The following TACC2 variants were observed in gnomAD, a reference collection of about 807,000 sequenced individuals.
TACC2 encodes the protein transforming acidic coiled-coil-containing protein 2.
In TACC2, 137 loss-of-function variants were observed where a neutral mutation model predicts 227.3. The observed-to-expected ratio is 0.60, with a 90% CI of 0.52 to 0.69. The LOEUF is 0.69. TACC2 is among the 30% of genes least tolerant of loss of function. The pLI, the probability that TACC2 is intolerant of heterozygous loss-of-function variation, is 0.00. For synonymous variants in TACC2, 1,523 were observed against 1,487.5 expected (o/e 1.02, Z -0.55); for missense variants, 3,470 against 3,694.4 (o/e 0.94, Z 1.57).
At chr10:122,025,914 T>C (rs556089854) in intron 2 of TACC2, among the ~76,000 whole-genome samples, 1 of 152,080 alleles carries the variant, frequency 6.6e-6, no homozygotes, top group South Asian at 2.1e-4. Context: ...TCAGAGTTCT[T>C]TATATAGTCT....
intron 5 of TACC2, among the ~76,000 whole-genome samples, chr10:122,123,470 AC>A (rs1425361641): frequency 1.3e-5 from 2 of 152,140 alleles, no homozygotes; most frequent in African/African-American, 4.8e-5. Flanking sequence ...TGGGGAACCC[AC>A]CTTTCAAAGC....
intron 2 of TACC2, among the ~76,000 whole-genome samples, chr10:122,043,993 C>T (rs1244262043): frequency 2.0e-5 from 3 of 152,230 alleles, no homozygotes; most frequent in Non-Finnish European, 4.4e-5. Flanking sequence ...TACACCATGC[C>T]TGTTTTAGTC....
In TACC2 at chr10:122,087,764, C is replaced by T; in HGVS notation, c.5264C>T (p.Ala1755Val). ...SCQDPACSDKAPGMEGTAALH... is the reference protein window; with the variant it reads ...SCQDPACSDKVPGMEGTAALH... The stretch of plus-strand genomic sequence containing the variant: ...CAGGACCCAGCCTGCTCTGACAAGG[C>T]TCCGGGGATGGAGGGTACAGCTGCC... The change falls in exon 4 of 23, where the codon GCT becomes GTT. Residue 1755 changes from alanine (A) to valine (V), a missense_variant. Coordinates refer to ENST00000369005, the MANE Select transcript of TACC2 (RefSeq NM_206862.4). 6.2e-7 allele frequency: 1 copy of T among 1,608,908 alleles called. No homozygotes were observed. The highest frequency in any genetic ancestry group is 8.5e-7 in the Non-Finnish European group (1 of 1,177,716).
rs2093947133 is a variant in TACC2, at chr10:122,180,733, A to T, written c.5835-14307A>T. On this transcript the variant is annotated intron_variant, in intron 7 of 22. Coordinates refer to ENST00000369005, the MANE Select transcript of TACC2 (RefSeq NM_206862.4). The surrounding 1 kb of genome is among the most constrained non-coding windows in gnomAD (Gnocchi z 4.5). ...CCAGGGAGTGCAAGAGGAATAACTT[A>T]TTTTATTTTTTATTTTTTTTGAGAC... 1.3e-5 allele frequency among the ~76,000 whole-genome samples: 2 copies of T among 151,716 alleles called. No individual in the cohort carries two copies. Among genetic ancestry groups the T allele is most frequent in the African/African-American group, 4.8e-5 (2 of 41,310 alleles).
chr10:122,079,957 A>T (rs1169532303), intron 3 of TACC2, among the ~76,000 whole-genome samples: 1 of 152,202 alleles, frequency 6.6e-6, no homozygotes, highest in Non-Finnish European at 1.5e-5. Context: ...TGTTGAAAGG[A>T]TGGGACAGTA....
chr10:122,017,279 C>T (rs541569206), intron 1 of TACC2, among the ~76,000 whole-genome samples: 1 of 152,268 alleles, frequency 6.6e-6, no homozygotes, highest in South Asian at 2.1e-4. Flanking sequence ...TTGGATTTTA[C>T]ATCACAGCAG....
At position 122,210,871 on chromosome 10, in the gene TACC2, C is replaced by A. The variant is rs183608136; in HGVS notation, c.6446C>A (p.Pro2149Gln). ...ACCAAGAAACCCACAGAGACCCCCC[C>A]AGTGAAGGAGACGCAACAGGAGCCA... ...QTTKKPTETPPVKETQQEPDE... is the reference protein window; with the variant it reads ...QTTKKPTETPQVKETQQEPDE... Residue 2149 changes from proline (P) to glutamine (Q), a missense_variant, in exon 9 of 23, where the codon CCA becomes CAA. Pro to Gln is a moderately conservative substitution (Grantham distance 76, BLOSUM62 -1). Around this residue, in one of 10 missense-constraint regions of TACC2, gnomAD observed 593 missense variants for 636.6 expected, o/e 0.93. Transcript: ENST00000369005. This position sits in a 1 kb window ranked among gnomAD's most constrained non-coding sequence, Gnocchi z 4.6. The A allele has an allele frequency of 8.7e-6, 14 of 1,613,564 alleles. No individual in the cohort carries two copies. In the East Asian group the frequency reaches 2.0e-4, roughly 23 times the overall value.
At chr10:122,109,736 G>A (rs892350507) in intron 5 of TACC2, among the ~76,000 whole-genome samples, 2 of 152,184 alleles carry the variant, frequency 1.3e-5, no homozygotes, top group Non-Finnish European at 2.9e-5. Context: ...GGATAAAATG[G>A]AATTAGCCAT....
chr10:122,139,614 T>C (rs1452452956), intron 6 of TACC2, among the ~76,000 whole-genome samples: 1 of 152,216 alleles, frequency 6.6e-6, no homozygotes, highest in Non-Finnish European at 1.5e-5. Flanking sequence ...CACAGCACTT[T>C]CCTTTCTGCA....
Position 122,102,396 on chromosome 10 carries a change from A to G in TACC2, c.5573+13805A>G, listed in dbSNP as rs549227382. Among the ~76,000 whole-genome samples, 15 of 152,288 alleles carry G rather than the reference A, an allele frequency of 9.8e-5. No homozygotes were observed. In the South Asian group the frequency reaches 1.7e-3, roughly 17 times the overall value. ...CTTTGTTGCAGCATAAGACATCTAC[A>G]TCATCAAGCCCACTGCATAGGCTGA... On this transcript the variant is annotated intron_variant, in intron 5 of 22. Coordinates refer to ENST00000369005, the MANE Select transcript of TACC2 (RefSeq NM_206862.4).
chr10:122,237,421 C>G lies in TACC2; in HGVS notation c.8154C>G (p.Val2718=). ...AKREAAHPTD[V]SISKTALYSR... is the part of the protein sequence containing the mutation. ...GAGAGGCTGCTCACCCAACAGACGT[C>G]TCCATCTCCAAAACAGCCTTGTACT... The change falls in exon 17 of 23, where the codon GTC becomes GTG. Residue 2718 remains valine (V), a synonymous_variant. Transcript: ENST00000369005. 1 of 1,613,842 alleles carries G rather than the reference C, an allele frequency of 6.2e-7. No homozygotes were observed. Among genetic ancestry groups the G allele is most frequent in the Non-Finnish European group, 8.5e-7 (1 of 1,179,844 alleles).
intron 1 of TACC2, among the ~76,000 whole-genome samples, chr10:122,003,987 G>A (rs1240047610): frequency 4.6e-5 from 7 of 152,000 alleles, no homozygotes; most frequent in Non-Finnish European, 1.0e-4. Context: ...AATGAAAAGG[G>A]CTAGGAGCGG....
In TACC2 at chr10:122,059,423, C is replaced by T. The variant is rs149515080; in HGVS notation, c.146+8873C>T. ...CTAAATCTGTGTTTGTAATAAGAAT[C>T]CCATGAGATTCTCATGAGAAAGCAA... is the stretch of plus-strand genomic sequence containing the variant. On this transcript the variant is annotated intron_variant, in intron 3 of 22. Coordinates refer to ENST00000369005, the MANE Select transcript of TACC2 (RefSeq NM_206862.4). Among the ~76,000 whole-genome samples, 375 of 152,172 alleles carry T rather than the reference C, an allele frequency of 2.5e-3. 2 individuals carry two copies. The highest frequency in any genetic ancestry group is 5.2e-3 in the Admixed American group (79 of 15,278).
chr10:122,139,603 T>G (rs568834879), intron 6 of TACC2, among the ~76,000 whole-genome samples: 1 of 152,326 alleles, frequency 6.6e-6, no homozygotes, highest in East Asian at 1.9e-4. Context: ...ACCCACAATT[T>G]CACAGCACTT....
chr10:122,058,176 G>A (rs1269583898), intron 3 of TACC2, among the ~76,000 whole-genome samples: 4 of 152,192 alleles, frequency 2.6e-5, no homozygotes, highest in Non-Finnish European at 4.4e-5. Flanking sequence ...AAGTGAGCAT[G>A]GGGTGTAACA....
intron 3 of TACC2, among the ~76,000 whole-genome samples, chr10:122,075,123 C>T (rs747944545): frequency 1.6e-4 from 24 of 151,826 alleles, no homozygotes; most frequent in Non-Finnish European, 2.8e-4. Context: ...TAGGGCAACC[C>T]GCTCGGGTCC....
intron 16 of TACC2, among the ~76,000 whole-genome samples, chr10:122,233,797 C>T (rs1429697674): frequency 1.3e-5 from 2 of 152,132 alleles, no homozygotes; most frequent in Non-Finnish European, 2.9e-5. Flanking sequence ...ACTCGGTGGG[C>T]AGGAGCGGCT....
At chr10:122,192,738 A>G in intron 7 of TACC2, 1 of 456,702 alleles carries the variant, frequency 2.2e-6, no homozygotes, top group South Asian at 1.5e-5. Context: ...GGATGTGGAC[A>G]GCGGTGACCA....
intron 1 of TACC2, among the ~76,000 whole-genome samples, chr10:121,998,312 CAA>C (rs1278618833): frequency 8.2e-4 from 58 of 70,590 alleles, no homozygotes; most frequent in Middle Eastern, 8.5e-3. Context: ...ACCACGTTCT[CAA>C]AAAAAAAAAA....
Sources: gnomAD v4.1 joint callset for allele counts (sites outside exome capture counted in the v4.1 genomes callset) on GRCh38, gnomAD v4.1.1 for gene constraint, gnomAD v4.1.1 regional missense constraint, Gnocchi (gnomAD v3.1) non-coding constraint, MANE v1.5 for transcripts, NCBI Gene and HGNC (gene_info 2026-07-23, HGNC 2026-07-21) for gene names.